The following ZNF676 variants were observed in gnomAD, a reference collection of about 807,000 sequenced individuals.
The protein encoded by ZNF676 is zinc finger protein 676.
A neutral mutation model predicts 6.0 loss-of-function variants in ZNF676; 4 were observed. That is an observed-to-expected ratio of 0.67 (90% CI 0.33 to 1.53). The LOEUF is 1.53. Ranked by LOEUF, ZNF676 falls within the 40% of genes most tolerant of loss-of-function variation. ZNF676 has a pLI of 0.06. For missense variants in ZNF676, 644 were observed against 679.7 expected (o/e 0.95, Z 0.58); for synonymous variants, 198 against 223.1 (o/e 0.89, Z 1.00).
At chr19:22,239,623 C>T in the ZNF676 span, among the ~76,000 whole-genome samples, 67 of 152,300 alleles carry the variant, frequency 4.4e-4, no homozygotes, top group Admixed American at 9.2e-4. Flanking sequence ...TGGGATAAAA[C>T]TTTGGACTGC....
chr19:22,207,991 A>C (rs546574007), intron 1 of ZNF676, among the ~76,000 whole-genome samples: 49 of 151,528 alleles, frequency 3.2e-4, no homozygotes, highest in African/African-American at 1.1e-3. Flanking sequence ...TATAAAAAAA[A>C]AAAAAACAAA....
upstream of ZNF676, among the ~76,000 whole-genome samples, chr19:22,201,654 T>G (rs148022366): frequency 3.1e-3 from 468 of 150,110 alleles, no homozygotes; most frequent in Middle Eastern, 0.01. Flanking sequence ...CTTAAGGATT[T>G]TAACTTGAGA....
the ZNF676 span, among the ~76,000 whole-genome samples, chr19:22,237,419 G>A: frequency 6.6e-6 from 1 of 151,754 alleles, no homozygotes; most frequent in Admixed American, 6.6e-5. Flanking sequence ...CCCCAAGCCT[G>A]TTCTCCAGAT....
chr19:22,179,973 T>A lies in ZNF676; in HGVS notation c.1744A>T (p.Ile582Phe), dbSNP rs781550575. The A allele has an allele frequency of 6.2e-6, 10 of 1,613,574 alleles. No homozygotes were observed. The highest frequency in any genetic ancestry group is 4.2e-6 in the Non-Finnish European group (5 of 1,179,820). ...SSSTVSYHKK[I>F]HTGENP The stretch of plus-strand genomic sequence containing the variant: ...TTTTAGGGATTCTCTCCAGTATGAA[T>A]TTTCTTATGATAACTAACAGTTGAG... Residue 582 changes from isoleucine (I) to phenylalanine (F), a missense_variant, in exon 3 of 3, where the codon ATT becomes TTT. By Grantham distance (21) the Ile-to-Phe change is conservative (BLOSUM62 0). This residue lies in a region of ZNF676 where 306 missense variants were observed against 265.4 expected (regional missense o/e 1.15). Coordinates refer to ENST00000397121, the MANE Select transcript of ZNF676 (RefSeq NM_001001411.3).
the ZNF676 span, among the ~76,000 whole-genome samples, chr19:22,225,170 AG>A: frequency 6.6e-6 from 1 of 152,104 alleles, no homozygotes; most frequent in African/African-American, 2.4e-5. Flanking sequence ...TGTTTTTATG[AG>A]TTTGGCTATT....
At chr19:22,183,590 T>G (rs1742640240) in intron 2 of ZNF676, among the ~76,000 whole-genome samples, 1 of 152,176 alleles carries the variant, frequency 6.6e-6, no homozygotes, top group African/African-American at 2.4e-5. Context: ...TCCACCTGCC[T>G]TGGCCACCTA....
chr19:22,202,006 T>A (rs1026631374), intron 1 of ZNF676, among the ~76,000 whole-genome samples: 1 of 152,162 alleles, frequency 6.6e-6, no homozygotes, highest in Non-Finnish European at 1.5e-5. Context: ...CTGACTTTGA[T>A]AACTAAAAGG....
the ZNF676 span, among the ~76,000 whole-genome samples, chr19:22,241,921 T>C: frequency 1.3e-5 from 2 of 151,724 alleles, no homozygotes; most frequent in African/African-American, 4.9e-5. Context: ...CTTGTGTGAA[T>C]GCAATAATCC....
the ZNF676 span, among the ~76,000 whole-genome samples, chr19:22,246,099 T>C: frequency 2.0e-5 from 3 of 152,112 alleles, no homozygotes; most frequent in African/African-American, 7.2e-5. Flanking sequence ...TTTAGTGATA[T>C]GTTACAATCC....
chr19:22,191,440 G>A (rs2023905195), intron 2 of ZNF676, among the ~76,000 whole-genome samples: 1 of 152,110 alleles, frequency 6.6e-6, no homozygotes, highest in African/African-American at 2.4e-5. Flanking sequence ...GAGCCATGCT[G>A]GCAGGCCTGC....
Position 22,185,915 on chromosome 19 carries a change from T to C in ZNF676, c.131-4329A>G, listed in dbSNP as rs190238826. Among the ~76,000 whole-genome samples the C allele has an allele frequency of 5.8e-4, 88 of 152,124 alleles. 1 individual carries two copies. In the East Asian group the frequency reaches 0.015, roughly 26 times the overall value. On this transcript the variant is annotated intron_variant, in intron 2 of 2. Transcript: ENST00000397121. ...CAAATCTTCGTTTGATTGGGGTACC[T>C]GAAAGTGATGGGGAGAATGGAACCA...
At chr19:22,252,332 C>T in the ZNF676 span, among the ~76,000 whole-genome samples, 97 of 148,050 alleles carry the variant, frequency 6.6e-4, no homozygotes, top group Non-Finnish European at 2.2e-4. Flanking sequence ...GAGGCGGAAG[C>T]TGCAGTGAGC....
chr19:22,243,600 T>G, the ZNF676 span: 3 of 151,864 alleles, frequency 2.0e-5, no homozygotes, highest in African/African-American at 7.3e-5. Context: ...ACCTGTGTGC[T>G]GGGCTCTGTT....
chr19:22,214,284 G>T (rs1284715855), intron 1 of ZNF676, among the ~76,000 whole-genome samples: 2 of 152,158 alleles, frequency 1.3e-5, no homozygotes, highest in East Asian at 3.9e-4. Flanking sequence ...CTGGCAGTTA[G>T]ACTGAGGAGG....
the ZNF676 span, among the ~76,000 whole-genome samples, chr19:22,259,153 C>G: frequency 6.6e-6 from 1 of 152,164 alleles, no homozygotes; most frequent in African/African-American, 2.4e-5. Context: ...GTAACATCTC[C>G]TAGGTGCTTG....
intron 2 of ZNF676, among the ~76,000 whole-genome samples, chr19:22,187,289 G>A (rs1422234138): frequency 2.0e-5 from 3 of 152,114 alleles, no homozygotes; most frequent in Non-Finnish European, 2.9e-5. Context: ...ATAATTAAAT[G>A]AAGGCAGAAA....
Position 22,181,508 on chromosome 19 carries a change from C to G in ZNF676, c.209G>C (p.Arg70Thr), listed in dbSNP as rs755210683. 1 of 1,612,594 alleles carries G rather than the reference C, an allele frequency of 6.2e-7. No individual in the cohort carries two copies. The highest frequency in any genetic ancestry group is 1.1e-5 in the South Asian group (1 of 90,852). ...EDSFQKMILR[R>T]YDKCGHENLH... ...ATTCTCATGTCCACATTTGTCATAT[C>G]TTCTCAATATCATTTTTTGGAAAGA... The change falls in exon 3 of 3, where the codon AGA (arginine) becomes ACA (threonine). Residue 70 changes from arginine to threonine, a missense_variant. Arg to Thr is a moderately conservative substitution (Grantham distance 71). This residue lies in a region of ZNF676 where 280 missense variants were observed against 269.3 expected (regional missense o/e 1.04). Transcript: ENST00000397121.
chr19:22,219,011 AT>A (rs35080714), upstream of ZNF676, among the ~76,000 whole-genome samples: 57 of 123,066 alleles, frequency 4.6e-4, no homozygotes, highest in Non-Finnish European at 5.9e-4. Context: ...AAATTTTAGG[AT>A]TTTTTTTTTT....
chr19:22,227,157 C>T, the ZNF676 span, among the ~76,000 whole-genome samples: 2 of 152,148 alleles, frequency 1.3e-5, no homozygotes, highest in African/African-American at 4.8e-5. Flanking sequence ...TCATAACAAA[C>T]AGTCTCTCAT....
Sources: gnomAD v4.1 joint callset for allele counts (sites outside exome capture counted in the v4.1 genomes callset) on GRCh38, gnomAD v4.1.1 for gene constraint, gnomAD v4.1.1 regional missense constraint, MANE v1.5 for transcripts, NCBI Gene and HGNC (gene_info 2026-07-23, HGNC 2026-07-21) for gene names.